PCM1: variants seen among roughly 807,000 people sequenced by gnomAD.
PCM1 encodes pericentriolar material 1 protein.
In PCM1, 157 loss-of-function variants were observed where a neutral mutation model predicts 241.9. That is an observed-to-expected ratio of 0.65 (90% CI 0.57 to 0.74). The LOEUF (loss-of-function observed/expected upper bound fraction) is 0.74, where lower values mean the gene tolerates loss of function less well. PCM1 is among the 30% of genes least tolerant of loss of function. The probability of loss-of-function intolerance (pLI) is 0.00; values close to 1 mark genes in which losing one functional copy is unlikely to be tolerated. For synonymous variants in PCM1, 1,085 were observed against 784.9 expected (o/e 1.38, Z -6.39); for missense variants, 3,478 against 2,360.1 (o/e 1.47, Z -9.81).
At chr8:17,984,071 TC>T (rs1397495382) in intron 24 of PCM1, among the ~76,000 whole-genome samples, 1 of 152,104 alleles carries the variant, frequency 6.6e-6, no homozygotes, top group Non-Finnish European at 1.5e-5. Flanking sequence ...GCATAAACTT[TC>T]CACCTCTTGA....
intron 16 of PCM1, among the ~76,000 whole-genome samples, chr8:17,962,690 G>A (rs1426424278): frequency 2.0e-5 from 3 of 151,988 alleles, no homozygotes; most frequent in African/African-American, 7.2e-5. Context: ...CATGAGGTCA[G>A]GTATTCAAGA....
chr8:17,994,200 C>A (rs1006910743), intron 29 of PCM1, among the ~76,000 whole-genome samples: 1 of 152,174 alleles, frequency 6.6e-6, no homozygotes, highest in Non-Finnish European at 1.5e-5. Flanking sequence ...TTCATAGCCT[C>A]TGGTAACCAT....
At position 18,025,378 on chromosome 8, in the gene PCM1, TATAAGTC is replaced by T. The variant is rs1244104381; in HGVS notation, c.5861_5867del (p.Ile1954LysfsTer9). On this transcript the variant is annotated frameshift_variant, in exon 37 of 39. Transcript: ENST00000325083. LOFTEE classifies it high-confidence loss of function. ...CATTACAGGAAGCAGAATCTGGTAA[TATAAGTC>T]AAAAGTCTGATGAAGAAGATTTTGT... The T allele has an allele frequency of 2.5e-6, 4 of 1,591,618 alleles. No homozygotes were observed. Among genetic ancestry groups the T allele is most frequent in the South Asian group, 1.1e-5 (1 of 88,076 alleles).
chr8:17,962,241 G>C (rs1487304917), intron 16 of PCM1, 67 bp downstream of exon 16: 5 of 1,378,470 alleles, frequency 3.6e-6, no homozygotes, highest in Non-Finnish European at 5.0e-6. Context: ...TCTTCAATAA[G>C]GCACATCTCA....
Position 18,014,782 on chromosome 8 carries a change from C to CT in PCM1, c.5784dup (p.Glu1929Ter), listed in dbSNP as rs1235329489. 6.2e-7 allele frequency: 1 copy of CT among 1,608,390 alleles called. No homozygotes were observed. The highest frequency in any genetic ancestry group is 1.3e-5 in the African/African-American group (1 of 74,928). ...GAAGTTAAATCTGCTCAGGAAACTC[C>CT]TGAAAGCTCTCTGGCTGGAAGTCCT... On this transcript the variant is annotated frameshift_variant, in exon 36 of 39. Coordinates refer to ENST00000325083, the MANE Select transcript of PCM1 (RefSeq NM_006197.4). LOFTEE classifies it high-confidence loss of function.
In PCM1 at chr8:18,027,916, A is replaced by ATGTT. The variant is rs972992567; in HGVS notation, c.*257_*260dup. On this transcript the variant is annotated 3_prime_UTR_variant, in exon 39 of 39. Transcript: ENST00000325083. ...GGTCTTCATTTTTTTCCCCATTGTG[A>ATGTT]TGTTTGGTAACGAATTTAAAATGTA... 5.4e-5 allele frequency: 20 copies of ATGTT among 367,902 alleles called. No individual in the cohort carries two copies. The highest frequency in any genetic ancestry group is 3.7e-4 in the African/African-American group (17 of 45,872). 22.8% of individuals were successfully genotyped at this position (367,902 alleles called of 1,614,324 possible).
chr8:17,984,760 T>C (rs1315040395), intron 24 of PCM1, among the ~76,000 whole-genome samples: 3 of 151,996 alleles, frequency 2.0e-5, no homozygotes, highest in Non-Finnish European at 1.5e-5. Flanking sequence ...CAAGTAAATT[T>C]AGCCGAATTG....
rs1347855218 is a variant in PCM1, at chr8:18,028,871, C to A, written c.*1209C>A. 5.5e-6 allele frequency: 1 copy of A among 183,384 alleles called. No individual in the cohort carries two copies. Among genetic ancestry groups the A allele is most frequent in the African/African-American group, 2.3e-5 (1 of 42,572 alleles). 11.4% of individuals were successfully genotyped at this position (183,384 alleles called of 1,614,324 possible). ...ATTTCTTTAAAATGGTTACTTGCTGCCCAGGCACCATGGCTCACTCCTGTA... is the reference window on the plus strand; with the variant it reads ...ATTTCTTTAAAATGGTTACTTGCTGACCAGGCACCATGGCTCACTCCTGTA... On this transcript the variant is annotated 3_prime_UTR_variant, in exon 39 of 39. Coordinates refer to ENST00000325083, the MANE Select transcript of PCM1 (RefSeq NM_006197.4).
chr8:17,976,013 A>T (rs2078644196), intron 23 of PCM1, among the ~76,000 whole-genome samples: 1 of 152,132 alleles, frequency 6.6e-6, no homozygotes, highest in Non-Finnish European at 1.5e-5. Context: ...CTTTTCTTGG[A>T]AAATTGGATA....
At chr8:17,947,403 C>G in intron 7 of PCM1, 40 bp downstream of exon 7, 6 of 1,393,856 alleles carry the variant, frequency 4.3e-6, no homozygotes, top group South Asian at 1.4e-5. Context: ...GTAAGGAAGA[C>G]TCATACATAA....
chr8:18,012,062 C>T (rs2092595823), intron 34 of PCM1, among the ~76,000 whole-genome samples: 1 of 152,128 alleles, frequency 6.6e-6, no homozygotes, highest in African/African-American at 2.4e-5. Context: ...GTAATTGTAG[C>T]TCATTGCTCA....
chr8:17,971,773 A>G (rs1424913865), intron 22 of PCM1, among the ~76,000 whole-genome samples: 5 of 152,076 alleles, frequency 3.3e-5, no homozygotes, highest in African/African-American at 9.7e-5. Context: ...GCAGGGTCTC[A>G]CTTTGTTACC....
intron 29 of PCM1, among the ~76,000 whole-genome samples, chr8:18,003,424 T>C (rs1032217567): frequency 2.0e-5 from 3 of 152,194 alleles, no homozygotes; most frequent in South Asian, 2.1e-4. Context: ...AAAAGGCACA[T>C]TGCCCACATT....
chr8:17,958,914 G>T (rs1449457882), intron 13 of PCM1, among the ~76,000 whole-genome samples: 2 of 152,038 alleles, frequency 1.3e-5, no homozygotes, highest in Non-Finnish European at 2.9e-5. Flanking sequence ...TACAGATGGG[G>T]TTTCACCATA....
intron 9 of PCM1, among the ~76,000 whole-genome samples, chr8:17,954,127 GA>G (rs2067114792): frequency 6.6e-6 from 1 of 152,096 alleles, no homozygotes; most frequent in Non-Finnish European, 1.5e-5. Context: ...ACAAACACAT[GA>G]ATACAACTAA....
intron 36 of PCM1, chr8:18,015,589 T>TA: frequency 6.6e-6 from 1 of 152,300 alleles, no homozygotes; most frequent in Admixed American, 6.5e-5. Flanking sequence ...TCCAAATAAA[T>TA]ACTTGCCTCT....
Position 17,957,419 on chromosome 8 carries a change from T to C in PCM1, c.1802T>C (p.Leu601Ser). The C allele has an allele frequency of 6.2e-7, 1 of 1,611,848 alleles. No individual in the cohort carries two copies. ...AGGGCTCTAAACATGCCTCCTTCTT[T>C]AGGTATGACTGACTGTATTTACATA... ...NIRALNMPPS[L>S]DCRYNREGEQ... Residue 601 changes from leucine (L) to serine (S), a missense_variant and splice_region_variant, in exon 12 of 39, where the codon TTA (leucine) becomes TCA (serine). Coordinates refer to ENST00000325083, the MANE Select transcript of PCM1 (RefSeq NM_006197.4).
At chr8:17,984,299 A>G (rs866841511) in intron 24 of PCM1, among the ~76,000 whole-genome samples, 1 of 152,126 alleles carries the variant, frequency 6.6e-6, no homozygotes, top group African/African-American at 2.4e-5. Flanking sequence ...TTGCATATCA[A>G]AATTCTTTTT....
intron 34 of PCM1, among the ~76,000 whole-genome samples, chr8:18,013,254 C>G (rs2092740413): frequency 6.6e-6 from 1 of 152,130 alleles, no homozygotes; most frequent in Non-Finnish European, 1.5e-5. Context: ...CTAGATTATT[C>G]TGTTTTCAGT....
Sources: gnomAD v4.1 joint callset for allele counts (sites outside exome capture counted in the v4.1 genomes callset) on GRCh38, gnomAD v4.1.1 for gene constraint, MANE v1.5 for transcripts, NCBI Gene and HGNC (gene_info 2026-07-23, HGNC 2026-07-21) for gene names.